Variants in PLCB1 observed in about 807,000 individuals in gnomAD.
PLCB1 encodes phospholipase C beta 1.
In PLCB1, 46 loss-of-function variants were observed where a neutral mutation model predicts 161.8. The ratio of observed to expected loss-of-function variants is 0.28; its 90% CI spans 0.22 to 0.36. The LOEUF (loss-of-function observed/expected upper bound fraction) is 0.36. Ranked by LOEUF, PLCB1 falls within the 10% of genes least tolerant of loss-of-function variation. The probability of loss-of-function intolerance (pLI) is 1.00; values close to 1 mark genes in which losing one functional copy is unlikely to be tolerated. For synonymous variants in PLCB1, 517 were observed against 503.7 expected, an observed-to-expected ratio of 1.03 and a Z score of -0.35; for missense variants, 1,016 against 1,472.5, an observed-to-expected ratio of 0.69 and a Z score of 5.07.
rs549455011 is a variant in PLCB1 at position 8,697,056 on chromosome 20, G to T, written c.1010-570G>T. ...CCTTAAATTTATTTTTTTTTAAAGA[G>T]CACTTTTAAAAACAGAATGTTTAGC... On this transcript the variant is annotated intron_variant, in intron 10 of 31. Transcript: ENST00000338037. Among the ~76,000 whole-genome samples the T allele has an allele frequency of 9.9e-5, 15 of 152,118 alleles. No individual in the cohort carries two copies. In the East Asian group the frequency reaches 2.7e-3, roughly 27 times the overall value.
At chr20:8,877,010 G>A (rs1457044239) in intron 31 of PLCB1, among the ~76,000 whole-genome samples, 1 of 152,070 alleles carries the variant, frequency 6.6e-6, no homozygotes, top group African/African-American at 2.4e-5. Context: ...GGGATGAGCT[G>A]CAAAGTCACA....
intron 31 of PLCB1, among the ~76,000 whole-genome samples, chr20:8,804,592 G>C (rs566301682): frequency 1.1e-4 from 17 of 152,160 alleles, no homozygotes; most frequent in Admixed American, 4.6e-4. Flanking sequence ...AAAGATTTTT[G>C]TACTAATTTT....
intron 4 of PLCB1, among the ~76,000 whole-genome samples, chr20:8,632,035 C>CTTTTTTTTTTTGTTTTTT (rs1568537430): frequency 4.3e-5 from 2 of 45,982 alleles, no homozygotes; most frequent in Non-Finnish European, 7.4e-5. Context: ...GTTTTTTTTG[C>CTTTTTTTTTTTGTTTTTT]TTTTTTTTTT....
At chr20:8,632,613 T>C (rs1263355754) in intron 4 of PLCB1, among the ~76,000 whole-genome samples, 7 of 152,042 alleles carry the variant, frequency 4.6e-5, no homozygotes. Context: ...AGTGTAGCCA[T>C]CTCTAGGAAG....
At chr20:8,647,565 G>A (rs1989201651) in intron 5 of PLCB1, among the ~76,000 whole-genome samples, 1 of 152,192 alleles carries the variant, frequency 6.6e-6, no homozygotes, top group African/African-American at 2.4e-5. Flanking sequence ...GCAAAATATG[G>A]TTAGTTCTCA....
intron 2 of PLCB1, among the ~76,000 whole-genome samples, chr20:8,156,986 C>A (rs573719020): frequency 1.3e-5 from 2 of 152,188 alleles, no homozygotes; most frequent in Admixed American, 1.3e-4. Context: ...CTTTTTATTC[C>A]TTTTTTCTTC....
chr20:8,620,049 T>C (rs182364809), intron 3 of PLCB1, among the ~76,000 whole-genome samples: 4 of 152,296 alleles, frequency 2.6e-5, no homozygotes, highest in Non-Finnish European at 5.9e-5. Context: ...TTGTATTCCC[T>C]GAGCTTCAAC....
At chr20:8,211,136 C>A (rs1978803373) in intron 2 of PLCB1, among the ~76,000 whole-genome samples, 1 of 152,124 alleles carries the variant, frequency 6.6e-6, no homozygotes. Context: ...ATGGAAGAAA[C>A]TTATTACATC....
Position 8,630,037 on chromosome 20 carries a change from CTTCTTTCCT to C in PLCB1, c.384+1623_384+1631del, listed in dbSNP as rs760153544. On this transcript the variant is annotated intron_variant, in intron 4 of 31. Coordinates refer to ENST00000338037, the MANE Select transcript of PLCB1 (RefSeq NM_015192.4). The stretch of plus-strand genomic sequence containing the variant: ...CTTTCTTCTTTCCTTTCTTTCCTCT[CTTCTTTCCT>C]TTCTTTCCTTTCTTTCTTTTTCTCT... 3.1e-3 allele frequency among the ~76,000 whole-genome samples: 362 copies of C among 117,304 alleles called. 3 individuals are homozygous for C. The highest frequency in any genetic ancestry group is 9.1e-3 in the African/African-American group (281 of 30,978). The allele number at this position is 117,304 out of a possible 152,430, so 77.0% of individuals were successfully genotyped here.
chr20:8,308,367 A>G (rs1008395431), intron 2 of PLCB1, among the ~76,000 whole-genome samples: 2 of 151,954 alleles, frequency 1.3e-5, no homozygotes, highest in Non-Finnish European at 2.9e-5. Flanking sequence ...CTGTAATCCC[A>G]GCACTTCGGG....
intron 3 of PLCB1, among the ~76,000 whole-genome samples, chr20:8,584,769 C>A (rs549182113): frequency 2.0e-5 from 3 of 152,268 alleles, no homozygotes; most frequent in Admixed American, 1.3e-4. Flanking sequence ...CGGCTCACTG[C>A]AATCTCTGCC....
At chr20:8,777,576 A>C (rs111342353) in intron 27 of PLCB1, among the ~76,000 whole-genome samples, 2 of 151,862 alleles carry the variant, frequency 1.3e-5, no homozygotes, top group Admixed American at 1.3e-4. Flanking sequence ...AAAATTAGCC[A>C]GGCATGGTGG....
intron 9 of PLCB1, among the ~76,000 whole-genome samples, chr20:8,681,811 A>G (rs1005668663): frequency 7.2e-5 from 11 of 152,268 alleles, no homozygotes; most frequent in African/African-American, 2.4e-4. Flanking sequence ...TAATCAGAAC[A>G]TAAGAATCAA....
intron 9 of PLCB1, among the ~76,000 whole-genome samples, chr20:8,674,811 C>T (rs917923152): frequency 6.6e-6 from 1 of 152,154 alleles, no homozygotes; most frequent in African/African-American, 2.4e-5. Context: ...TCTGCCATCC[C>T]TTTCTTCCCT....
intron 3 of PLCB1, among the ~76,000 whole-genome samples, chr20:8,539,397 T>C (rs1985182387): frequency 6.6e-6 from 1 of 152,180 alleles, no homozygotes; most frequent in South Asian, 2.1e-4. Flanking sequence ...AACATATTCA[T>C]TCATTCAAGG....
intron 11 of PLCB1, among the ~76,000 whole-genome samples, chr20:8,702,642 T>G (rs1440032192): frequency 6.6e-6 from 1 of 152,232 alleles, no homozygotes; most frequent in Non-Finnish European, 1.5e-5. Context: ...TGGAGTTTAG[T>G]AATTGAACCA....
intron 3 of PLCB1, among the ~76,000 whole-genome samples, chr20:8,525,777 A>T (rs1045607361): frequency 1.3e-5 from 2 of 151,296 alleles, no homozygotes; most frequent in Non-Finnish European, 1.5e-5. Context: ...ATTGAAAAAA[A>T]CAGCTTTTTT....
At chr20:8,220,673 A>G (rs1979356978) in intron 2 of PLCB1, among the ~76,000 whole-genome samples, 1 of 152,222 alleles carries the variant, frequency 6.6e-6, no homozygotes, top group Non-Finnish European at 1.5e-5. Flanking sequence ...TGGAGCCTAG[A>G]GAAGGAACAT....
At chr20:8,662,343 A>G (rs547783710) in intron 9 of PLCB1, among the ~76,000 whole-genome samples, 10 of 121,180 alleles carry the variant, frequency 8.3e-5, no homozygotes, top group African/African-American at 3.0e-4. Context: ...TTATATAATT[A>G]TGTATAATAT....
Sources: gnomAD v4.1 joint callset for allele counts (sites outside exome capture counted in the v4.1 genomes callset) on GRCh38, gnomAD v4.1.1 for gene constraint, MANE v1.5 for transcripts, NCBI Gene and HGNC (gene_info 2026-07-23, HGNC 2026-07-21) for gene names.